Variants in UBASH3A observed in about 807,000 individuals in gnomAD.
UBASH3A encodes ubiquitin associated and SH3 domain containing A.
UBASH3A carries 63 observed loss-of-function variants against 73.5 expected under a neutral mutation model. The ratio of observed to expected loss-of-function variants is 0.86; its 90% CI spans 0.70 to 1.06. UBASH3A has a LOEUF of 1.06. Ranked by LOEUF, UBASH3A falls within the 50% of genes least tolerant of loss-of-function variation. UBASH3A has a pLI of 0.00. For missense variants in UBASH3A, 860 were observed against 859.0 expected (o/e 1.00, Z -0.02); for synonymous variants, 363 against 351.1 (o/e 1.03, Z -0.38).
chr21:42,414,407 T>G (rs992986064), intron 5 of UBASH3A, among the ~76,000 whole-genome samples: 5 of 152,168 alleles, frequency 3.3e-5, no homozygotes, highest in African/African-American at 1.2e-4. Flanking sequence ...CCTCCCCCAG[T>G]GAACCTCATT....
intron 7 of UBASH3A, among the ~76,000 whole-genome samples, chr21:42,418,891 A>G (rs1342156833): frequency 6.6e-6 from 1 of 152,172 alleles, no homozygotes; most frequent in Admixed American, 6.5e-5. Flanking sequence ...CACACATAAT[A>G]AATTATACTC....
intron 7 of UBASH3A, among the ~76,000 whole-genome samples, chr21:42,419,082 G>A (rs1247495034): frequency 6.6e-6 from 1 of 152,114 alleles, no homozygotes; most frequent in East Asian, 1.9e-4. Flanking sequence ...TCCTCAGCTC[G>A]GGGTCTCAAG....
Position 42,422,398 on chromosome 21 carries a change from C to T in UBASH3A, c.1046+3789C>T, listed in dbSNP as rs372444235. ...GGCTCTGTGCCATGCATTTCCCTTA[C>T]TAACTGATTTACTTCTCCAATACCC... On this transcript the variant is annotated intron_variant, in intron 7 of 14. Coordinates refer to ENST00000319294, the MANE Select transcript of UBASH3A (RefSeq NM_018961.4). Among the ~76,000 whole-genome samples the T allele has an allele frequency of 2.0e-5, 3 of 152,328 alleles. 1 individual carries two copies. Among genetic ancestry groups the T allele is most frequent in the East Asian group, 1.9e-4 (1 of 5,188 alleles).
intron 6 of UBASH3A, among the ~76,000 whole-genome samples, chr21:42,417,248 C>T (rs1333766762): frequency 2.0e-5 from 3 of 151,942 alleles, no homozygotes; most frequent in South Asian, 4.2e-4. Flanking sequence ...CAGGGCAAAA[C>T]GCTGTCTCTA....
Position 42,416,484 on chromosome 21 carries a change from T to C in UBASH3A, c.710T>C (p.Leu237Ser), listed in dbSNP as rs949142191. ...KPCTKQLHLT[L>S]AHKFYPHHQR... Reference sequence around the variant, plus strand: ...TGCACCAAACAGCTGCATCTGACCTTGGCCCACAAGTTCTACCCCCACCAC... The same window carrying C: ...TGCACCAAACAGCTGCATCTGACCTCGGCCCACAAGTTCTACCCCCACCAC... Residue 237 changes from leucine (L) to serine (S), a missense_variant, in exon 6 of 15, where the codon TTG becomes TCG. Physicochemically the swap from Leu to Ser is moderately radical, Grantham distance 145. Transcript: ENST00000319294. 9 of 1,602,942 alleles carry C rather than the reference T, an allele frequency of 5.6e-6. No individual in the cohort carries two copies. The African/African-American group carries it at 9.4e-5, about 17-fold the overall frequency.
intron 11 of UBASH3A, among the ~76,000 whole-genome samples, chr21:42,439,966 TCCACACACACACCACACC>T (rs2053708443): frequency 1.2e-5 from 1 of 80,604 alleles, no homozygotes; most frequent in South Asian, 4.1e-4. Context: ...ACACCACACA[TCCACACACACACCACACC>T]CCACACACAC....
chr21:42,422,237 A>T (rs182755480), intron 7 of UBASH3A, among the ~76,000 whole-genome samples: 15 of 152,310 alleles, frequency 9.8e-5, no homozygotes, highest in African/African-American at 3.6e-4. Context: ...CAAAATGCAA[A>T]TGTGGGATGA....
rs376032779 is a variant in UBASH3A, at chr21:42,404,059, G to A, written c.113+1G>A. ...CCATGGGCTTCCCGGTGCACACCGC[G>A]TGAGTACTGCCCAGAGACCCCGGGG... On this transcript the variant is annotated splice_donor_variant, in intron 1 of 14. Transcript: ENST00000319294. LOFTEE classifies it high-confidence loss of function. 53 of 1,496,226 alleles carry A rather than the reference G, an allele frequency of 3.5e-5. No individual in the cohort carries two copies. Among genetic ancestry groups the A allele is most frequent in the Middle Eastern group, 4.0e-4 (2 of 4,978 alleles). 92.7% of individuals were successfully genotyped at this position (1,496,226 alleles called of 1,614,324 possible).
At chr21:42,433,098 T>C (rs1424299415) in intron 9 of UBASH3A, among the ~76,000 whole-genome samples, 1 of 151,030 alleles carries the variant, frequency 6.6e-6, no homozygotes, top group African/African-American at 2.5e-5. Context: ...TTGAACTTCA[T>C]AGAAAAAGAA....
chr21:42,427,318 C>T (rs763374492), intron 8 of UBASH3A, among the ~76,000 whole-genome samples: 12 of 152,166 alleles, frequency 7.9e-5, no homozygotes, highest in Non-Finnish European at 1.5e-4. Flanking sequence ...CCTCCCTGAA[C>T]GCAAACAAGT....
intron 3 of UBASH3A, among the ~76,000 whole-genome samples, chr21:42,411,705 T>A (rs2053101263): frequency 6.6e-6 from 1 of 152,028 alleles, no homozygotes; most frequent in South Asian, 2.1e-4. Flanking sequence ...GGCAGAAGAG[T>A]GTAACGGAGA....
chr21:42,440,255 A>G (rs1190603655), intron 11 of UBASH3A, among the ~76,000 whole-genome samples: 1 of 152,152 alleles, frequency 6.6e-6, no homozygotes, highest in Non-Finnish European at 1.5e-5. Flanking sequence ...GCGCTTTGGG[A>G]GGGACGAGGG....
In UBASH3A at chr21:42,447,146, C is replaced by CG; in HGVS notation, c.1942dup (p.Ala648GlyfsTer6). 6.2e-7 allele frequency: 1 copy of CG among 1,614,128 alleles called. No homozygotes were observed. ...ACCCACCGGTGAAGACCCTGACCCACGGGGCGAACGCAGCATTTAACTGGA... is the reference window on the plus strand; with the variant it reads ...ACCCACCGGTGAAGACCCTGACCCACGGGGGCGAACGCAGCATTTAACTGGA... On this transcript the variant is annotated frameshift_variant, in exon 15 of 15. Transcript: ENST00000319294. LOFTEE classifies it high-confidence loss of function.
chr21:42,411,340 TAGACACACAC>T (rs1311954082), intron 3 of UBASH3A, among the ~76,000 whole-genome samples: 1 of 150,382 alleles, frequency 6.6e-6, no homozygotes, highest in Non-Finnish European at 1.5e-5. Flanking sequence ...TACATGCACA[TAGACACACAC>T]AGACACACAC....
intron 7 of UBASH3A, among the ~76,000 whole-genome samples, chr21:42,424,293 T>C (rs967218775): frequency 5.9e-5 from 9 of 151,780 alleles, no homozygotes; most frequent in Non-Finnish European, 1.3e-4. Flanking sequence ...CAGGTAAGAG[T>C]CTGCAGCTCT....
At chr21:42,431,270 C>A (rs2053523836) in intron 8 of UBASH3A, among the ~76,000 whole-genome samples, 1 of 152,220 alleles carries the variant, frequency 6.6e-6, no homozygotes, top group South Asian at 2.1e-4. Flanking sequence ...CAGTGGAGGC[C>A]CCTCCCAAAG....
At chr21:42,418,369 C>T (rs765952763) in intron 6 of UBASH3A, 32 bp from the exon 7 acceptor site, 22 of 1,590,690 alleles carry the variant, frequency 1.4e-5, no homozygotes, top group Non-Finnish European at 1.6e-5. Flanking sequence ...AATCTTTGCT[C>T]GAGACGTGAA....
chr21:42,404,197 C>G (rs777278250), intron 1 of UBASH3A, 139 bp downstream of exon 1: 89 of 422,170 alleles, frequency 2.1e-4, no homozygotes, highest in Non-Finnish European at 3.3e-4. Flanking sequence ...AAGACACTGC[C>G]TCTTCACAGG....
At chr21:42,432,296 C>G (rs1357854350) in intron 9 of UBASH3A, 94 bp downstream of exon 9, 10 of 800,492 alleles carry the variant, frequency 1.2e-5, no homozygotes, top group Non-Finnish European at 2.1e-5. Flanking sequence ...ACCAGATCCC[C>G]TGAGGCACCA....
Sources: allele counts gnomAD v4.1 joint callset (sites outside exome capture counted in the v4.1 genomes callset), GRCh38; gene constraint gnomAD v4.1.1; transcripts MANE v1.5; gene names NCBI Gene and HGNC (gene_info 2026-07-23, HGNC 2026-07-21).